Variants in DIDO1 observed in about 807,000 individuals in gnomAD.
The protein encoded by DIDO1 is death-inducer obliterator 1.
DIDO1 carries 16 observed loss-of-function variants against 99.4 expected under a neutral mutation model. The observed-to-expected ratio is 0.16, with a 90% CI of 0.11 to 0.24. The LOEUF is 0.24. Among genes scored for constraint, DIDO1 ranks in the 10% least tolerant of loss-of-function variants. The pLI, the probability that DIDO1 is intolerant of heterozygous loss-of-function variation, is 1.00. For missense variants in DIDO1, 2,996 were observed against 3,014.0 expected (o/e 0.99, Z 0.14); for synonymous variants, 1,366 against 1,239.1 (o/e 1.10, Z -2.15).
chr20:62,889,931 G>A (rs1365455092), intron 15 of DIDO1: 2 of 985,370 alleles, frequency 2.0e-6, no homozygotes, highest in Middle Eastern at 5.2e-4. Context: ...CACTCCAGCT[G>A]TGAAGAATGG....
chr20:62,932,016 T>C (rs1256040846), intron 1 of DIDO1, among the ~76,000 whole-genome samples: 2 of 152,202 alleles, frequency 1.3e-5, no homozygotes, highest in African/African-American at 4.8e-5. Context: ...GTATTAGCAG[T>C]TTCCAAAAGA....
Position 62,894,801 on chromosome 20 carries a change from A to C in DIDO1, c.2436+9T>G, listed in dbSNP as rs377431137. ...TTCTCGGTGAACACAAAATCTCCCA[A>C]ATGCTTACCTCTGAATCCGACACTG... On this transcript the variant is annotated intron_variant, in intron 10 of 15. Coordinates refer to ENST00000395343, the MANE Select transcript of DIDO1 (RefSeq NM_001193369.2). This position sits in a 1 kb window ranked among gnomAD's most constrained non-coding sequence, Gnocchi z 4.4. The C allele has an allele frequency of 6.2e-7, 1 of 1,606,380 alleles. No individual in the cohort carries two copies. The highest frequency in any genetic ancestry group is 8.5e-7 in the Non-Finnish European group (1 of 1,177,860).
chr20:62,935,002 T>C (rs1261013117), intron 1 of DIDO1, among the ~76,000 whole-genome samples: 3 of 152,296 alleles, frequency 2.0e-5, no homozygotes, highest in Non-Finnish European at 4.4e-5. Context: ...ACCCATCAAC[T>C]CTCAACTCTA....
At position 62,882,479 on chromosome 20, in the gene DIDO1, A is replaced by T; in HGVS notation, c.3542-65T>A. 5 of 1,474,204 alleles carry T rather than the reference A, an allele frequency of 3.4e-6. No homozygotes were observed. The South Asian group carries it at 6.6e-5, about 19-fold the overall frequency. The allele number at this position is 1,474,204 out of a possible 1,614,324, so 91.3% of individuals were successfully genotyped here. A position where few individuals can be genotyped will look rare whatever the true frequency, so the allele number is the denominator to read the frequency against. The stretch of plus-strand genomic sequence containing the variant: ...TCCAGCTTTTACCCTTTAGAGGTGA[A>T]TTTCATTAAGGGCTTTCACGGGGAA... On this transcript the variant is annotated intron_variant, in intron 15 of 15. Transcript: ENST00000395343.
At chr20:62,935,437 A>C (rs1346725805) in intron 1 of DIDO1, among the ~76,000 whole-genome samples, 1 of 152,176 alleles carries the variant, frequency 6.6e-6, no homozygotes, top group East Asian at 1.9e-4. Context: ...AACCACACGG[A>C]CCGTGTGCTA....
chr20:62,922,083 C>A (rs1336781692), intron 1 of DIDO1, among the ~76,000 whole-genome samples: 1 of 143,072 alleles, frequency 7.0e-6, no homozygotes, highest in Non-Finnish European at 1.5e-5. Flanking sequence ...ACACTATATA[C>A]ACACTATATA....
At chr20:62,924,977 T>G (rs2065225607) in intron 1 of DIDO1, among the ~76,000 whole-genome samples, 1 of 152,230 alleles carries the variant, frequency 6.6e-6, no homozygotes, top group Admixed American at 6.5e-5. Context: ...CCTCCCCATG[T>G]ACACAGCAAG....
At chr20:62,885,426 G>A (rs776126415) in intron 15 of DIDO1, among the ~76,000 whole-genome samples, 10 of 152,204 alleles carry the variant, frequency 6.6e-5, no homozygotes, top group Non-Finnish European at 1.5e-4. Context: ...GTCTCGTGGT[G>A]TGTCACTAGA....
At chr20:62,889,400 A>G (rs2064354072) in intron 15 of DIDO1, 1 of 985,442 alleles carries the variant, frequency 1.0e-6, no homozygotes, top group Non-Finnish European at 1.2e-6. Flanking sequence ...CCAAGTTTGG[A>G]GATGAGCAGG....
intron 6 of DIDO1, among the ~76,000 whole-genome samples, chr20:62,902,518 C>T (rs774140158): frequency 1.3e-5 from 2 of 152,148 alleles, no homozygotes; most frequent in African/African-American, 2.4e-5. Context: ...CCTCCTCTCC[C>T]GGCTTTAAAT....
chr20:62,912,124 G>A (rs531892627), intron 2 of DIDO1, among the ~76,000 whole-genome samples: 5 of 152,316 alleles, frequency 3.3e-5, no homozygotes, highest in Admixed American at 2.6e-4. Context: ...TGCAAGTATG[G>A]GCTGGCCACC....
chr20:62,883,640 C>A (rs550593339), intron 15 of DIDO1, among the ~76,000 whole-genome samples: 14 of 152,334 alleles, frequency 9.2e-5, no homozygotes, highest in African/African-American at 3.4e-4. Flanking sequence ...TCCTGGCCAA[C>A]ATGGTGAAAC....
At chr20:62,900,634 G>A (rs913600193) in intron 6 of DIDO1, among the ~76,000 whole-genome samples, 10 of 152,310 alleles carry the variant, frequency 6.6e-5, no homozygotes, top group Admixed American at 3.3e-4. Flanking sequence ...CTTATGTGCT[G>A]GATGGCTCCC....
chr20:62,919,056 CA>C (rs2065088663), intron 1 of DIDO1, among the ~76,000 whole-genome samples: 3 of 152,308 alleles, frequency 2.0e-5, no homozygotes, highest in African/African-American at 7.2e-5. Flanking sequence ...CTCAAAGCTC[CA>C]CCAGCTTGCG....
intron 6 of DIDO1, chr20:62,905,166 C>A (rs1235329069): frequency 9.5e-7 from 1 of 1,050,674 alleles, no homozygotes; most frequent in Non-Finnish European, 1.1e-6. Context: ...ATTCAAGAGA[C>A]GAGGGCAAGA....
rs374007869 is a variant in DIDO1 at position 62,905,954 on chromosome 20, G to A, written c.1521C>T (p.Ser507=). 1.9e-5 allele frequency: 30 copies of A among 1,613,902 alleles called. No individual in the cohort carries two copies. In the East Asian group the frequency reaches 5.1e-4, roughly 28 times the overall value. ...GCTTTACTGCATTGTAATTGTGATC[G>A]CTCGCCCACGACGGCGTGCTGCTCT... ...ACESSTPSWA[S]DHNYNAVKPE... is the part of the protein sequence containing the mutation. Residue 507 remains serine, a synonymous_variant, in exon 6 of 16, where the codon AGC becomes AGT. Transcript: ENST00000395343.
In DIDO1 at chr20:62,911,508, G is replaced by A. The variant is rs1334032206; in HGVS notation, c.105C>T (p.Ala35=). The A allele has an allele frequency of 1.9e-6, 3 of 1,612,660 alleles. No homozygotes were observed. The highest frequency in any genetic ancestry group is 1.3e-5 in the African/African-American group (1 of 74,940). Residue 35 remains alanine, a synonymous_variant, in exon 3 of 16, where the codon GCC becomes GCT. Coordinates refer to ENST00000395343, the MANE Select transcript of DIDO1 (RefSeq NM_001193369.2). This position sits in a 1 kb window ranked among gnomAD's most constrained non-coding sequence, Gnocchi z 7.0. ...KTWGFRRTTI[A]KREGAGDAEA... ...CCGCGTCCCCTGCGCCCTCTCGCTT[G>A]GCGATAGTGGTCCTTCGAAAACCCC...
At chr20:62,904,048 T>A (rs940679032) in intron 6 of DIDO1, among the ~76,000 whole-genome samples, 1 of 152,230 alleles carries the variant, frequency 6.6e-6, no homozygotes, top group Non-Finnish European at 1.5e-5. Flanking sequence ...ACTCCACATG[T>A]GGAGTCTCTG....
chr20:62,902,639 C>T (rs2064709418), intron 6 of DIDO1, among the ~76,000 whole-genome samples: 1 of 152,200 alleles, frequency 6.6e-6, no homozygotes, highest in Non-Finnish European at 1.5e-5. Flanking sequence ...GAGCCCACAC[C>T]ATGAGTTATC....
Sources: allele counts gnomAD v4.1 joint callset (sites outside exome capture counted in the v4.1 genomes callset), GRCh38; gene constraint gnomAD v4.1.1; non-coding constraint Gnocchi (gnomAD v3.1); transcripts MANE v1.5; gene names NCBI Gene and HGNC (gene_info 2026-07-23, HGNC 2026-07-21).